The following TBC1D9 variants were observed in gnomAD, a reference collection of about 807,000 sequenced individuals.
The protein encoded by TBC1D9 is TBC1 domain family member 9A.
In TBC1D9, 63 loss-of-function variants were observed where a neutral mutation model predicts 132.0. That is an observed-to-expected ratio of 0.48 (90% confidence interval 0.39 to 0.59). The LOEUF (loss-of-function observed/expected upper bound fraction) is 0.59, where lower values mean the gene tolerates loss of function less well. Ranked by LOEUF, TBC1D9 falls within the 20% of genes least tolerant of loss-of-function variation. The probability of loss-of-function intolerance (pLI) is 0.00; values close to 1 mark genes in which losing one functional copy is unlikely to be tolerated. For synonymous variants in TBC1D9, 610 were observed against 609.9 expected (o/e 1.00, Z 0.00); for missense variants, 1,261 against 1,592.7 (o/e 0.79, Z 3.54).
chr4:140,662,550 CA>C (rs771450199), intron 9 of TBC1D9, among the ~76,000 whole-genome samples: 66 of 152,290 alleles, frequency 4.3e-4, no homozygotes, highest in Admixed American at 1.2e-3. Context: ...TTCTGTCTCT[CA>C]AAATAAGTCT....
chr4:140,722,748 T>C (rs957761336), intron 1 of TBC1D9, among the ~76,000 whole-genome samples: 4 of 152,230 alleles, frequency 2.6e-5, no homozygotes, highest in Admixed American at 2.6e-4. Context: ...ATTTCTTTTT[T>C]AAATTTTACT....
chr4:140,714,950 G>A (rs763972966), intron 1 of TBC1D9, among the ~76,000 whole-genome samples: 2 of 152,062 alleles, frequency 1.3e-5, no homozygotes, highest in Non-Finnish European at 2.9e-5. Flanking sequence ...GTGAGATCCT[G>A]TCTCTACAAA....
At chr4:140,625,172 C>T (rs1560864008) in intron 18 of TBC1D9, among the ~76,000 whole-genome samples, 1 of 152,264 alleles carries the variant, frequency 6.6e-6, no homozygotes, top group East Asian at 1.9e-4. Context: ...TTTAACTTTG[C>T]ATATATGAGA....
At chr4:140,685,530 C>T (rs10014443) in intron 3 of TBC1D9, among the ~76,000 whole-genome samples, 18 of 151,968 alleles carry the variant, frequency 1.2e-4, no homozygotes, top group Non-Finnish European at 2.5e-4. Context: ...AAATGTTCCA[C>T]GCTGAAGGAG....
chr4:140,705,832 T>A lies in TBC1D9; in HGVS notation c.131-4218A>T, dbSNP rs559991387. 1.1e-3 allele frequency among the ~76,000 whole-genome samples: 169 copies of A among 152,360 alleles called. 8 individuals are homozygous for A. The South Asian group carries it at 0.035, about 32-fold the overall frequency. On this transcript the variant is annotated intron_variant, in intron 1 of 20. Coordinates refer to ENST00000442267, the MANE Select transcript of TBC1D9 (RefSeq NM_015130.3). ...TGTTTTAGCAGCTGTTCTAGTCAGCTATTTCTGGTGTTAAACAATCTTGAT... is the reference window on the plus strand; with the variant it reads ...TGTTTTAGCAGCTGTTCTAGTCAGCAATTTCTGGTGTTAAACAATCTTGAT...
intron 2 of TBC1D9, among the ~76,000 whole-genome samples, chr4:140,699,676 C>T (rs375334680): frequency 7.9e-5 from 12 of 152,054 alleles, no homozygotes; most frequent in Admixed American, 2.6e-4. Context: ...AGGAGCCTAA[C>T]GGGATATGAC....
rs771494529 is a variant in TBC1D9 at position 140,622,468 on chromosome 4, G to A, written c.3528C>T (p.Asp1176=). Residue 1176 remains aspartate (D), a synonymous_variant, in exon 21 of 21, where the codon GAC becomes GAT. Coordinates refer to ENST00000442267, the MANE Select transcript of TBC1D9 (RefSeq NM_015130.3). ...SVLSAGSHEE[D]KLHCEDIGED... ...CTCCGATGTCCTCGCAGTGCAGCTT[G>A]TCCTCCTCGTGGGAGCCGGCACTCA... 13 of 1,613,918 alleles carry A rather than the reference G, an allele frequency of 8.1e-6. No individual in the cohort carries two copies. Among genetic ancestry groups the A allele is most frequent in the Non-Finnish European group, 1.0e-5 (12 of 1,179,900 alleles).
At chr4:140,747,089 T>C (rs182624238) in intron 1 of TBC1D9, among the ~76,000 whole-genome samples, 2 of 152,232 alleles carry the variant, frequency 1.3e-5, no homozygotes, top group Admixed American at 6.5e-5. Flanking sequence ...GGCTCATGCC[T>C]GTAATCCCAG....
chr4:140,689,137 C>G (rs1478265722), intron 2 of TBC1D9, among the ~76,000 whole-genome samples: 1 of 152,142 alleles, frequency 6.6e-6, no homozygotes, highest in African/African-American at 2.4e-5. Context: ...TCTGTTTTGC[C>G]TCTCATCTGT....
At chr4:140,645,967 G>A (rs542364521) in intron 13 of TBC1D9, among the ~76,000 whole-genome samples, 1 of 152,282 alleles carries the variant, frequency 6.6e-6, no homozygotes, top group Non-Finnish European at 1.5e-5. Context: ...ACTGTGCCAT[G>A]TTCCTTCTTA....
rs971630877 is a variant in TBC1D9 at position 140,709,260 on chromosome 4, A to T, written c.131-7646T>A. Among the ~76,000 whole-genome samples, 143 of 134,832 alleles carry T rather than the reference A, an allele frequency of 1.1e-3. 1 individual carries two copies. The highest frequency in any genetic ancestry group is 1.2e-3 in the East Asian group (6 of 5,008). The allele number at this position is 134,832 out of a possible 152,430, so 88.5% of individuals were successfully genotyped here. Reference sequence around the variant, plus strand: ...CTCTCTCTCTCTCTCACACACACACACACACACACACACACACACACACAC... The same window carrying T: ...CTCTCTCTCTCTCTCACACACACACTCACACACACACACACACACACACAC... On this transcript the variant is annotated intron_variant, in intron 1 of 20. Transcript: ENST00000442267.
chr4:140,676,005 C>G (rs975152441), intron 6 of TBC1D9, among the ~76,000 whole-genome samples: 2 of 152,216 alleles, frequency 1.3e-5, no homozygotes, highest in Non-Finnish European at 2.9e-5. Flanking sequence ...CTGGAGCCCA[C>G]ACCTCAACCA....
intron 1 of TBC1D9, among the ~76,000 whole-genome samples, chr4:140,728,945 T>C (rs894535560): frequency 1.3e-5 from 2 of 152,156 alleles, no homozygotes; most frequent in African/African-American, 2.4e-5. Context: ...ATTACAGGCA[T>C]GAGCCACTGG....
chr4:140,734,608 A>G (rs1560899953), intron 1 of TBC1D9, among the ~76,000 whole-genome samples: 2 of 152,168 alleles, frequency 1.3e-5, no homozygotes, highest in African/African-American at 4.8e-5. Context: ...TCTGGGCAAC[A>G]TAGTGAGACC....
chr4:140,662,098 T>G lies in TBC1D9; in HGVS notation c.1598A>C (p.Asn533Thr). ...GTACCCAGGATGTGTGGCCTTCTCA[T>G]TGATGGCACCTGAGATATATCCAAC... is the stretch of plus-strand genomic sequence containing the variant. ...ELWLLLSGAI[N>T]EKATHPGYYE... Residue 533 changes from asparagine (N) to threonine (T), a missense_variant, in exon 10 of 21, where the codon AAT becomes ACT. This residue lies in a region of TBC1D9 where 550 missense variants were observed against 699.0 expected (regional missense o/e 0.79). Transcript: ENST00000442267. 1 of 1,613,396 alleles carries G rather than the reference T, an allele frequency of 6.2e-7. No individual in the cohort carries two copies. The highest frequency in any genetic ancestry group is 8.5e-7 in the Non-Finnish European group (1 of 1,179,358).
At chr4:140,647,863 T>C (rs1737125922) in intron 13 of TBC1D9, among the ~76,000 whole-genome samples, 1 of 152,020 alleles carries the variant, frequency 6.6e-6, no homozygotes, top group Non-Finnish European at 1.5e-5. Context: ...TCTGGAGGAT[T>C]TGTAAAGGAA....
chr4:140,695,054 C>T (rs1449203343), intron 2 of TBC1D9, among the ~76,000 whole-genome samples: 1 of 152,220 alleles, frequency 6.6e-6, no homozygotes, highest in Non-Finnish European at 1.5e-5. Flanking sequence ...AATTACCCAA[C>T]ATTTTCTTTA....
Position 140,622,500 on chromosome 4 carries a change from A to G in TBC1D9, c.3496T>C (p.Ser1166Pro). The G allele has an allele frequency of 6.2e-7, 1 of 1,613,882 alleles. No homozygotes were observed. Among genetic ancestry groups the G allele is most frequent in the East Asian group, 2.2e-5 (1 of 44,900 alleles). Residue 1166 changes from serine (S) to proline (P), a missense_variant, in exon 21 of 21, where the codon TCG becomes CCG. Ser to Pro is a moderately conservative substitution (Grantham distance 74). Around this residue, in one of 3 missense-constraint regions of TBC1D9, gnomAD observed 618 missense variants for 724.4 expected, o/e 0.85. Transcript: ENST00000442267. ...TKDDSSMSSY[S>P]VLSAGSHEED... is the part of the protein sequence containing the mutation. ...TCGTGGGAGCCGGCACTCAGCACCG[A>G]GTATGAGGACATGGAGCTGTCGTCC...
intron 13 of TBC1D9, among the ~76,000 whole-genome samples, chr4:140,641,114 A>AAAAAAAAAAAAAAAAAAAAAT (rs58361745): frequency 6.8e-6 from 1 of 146,388 alleles, no homozygotes; most frequent in African/African-American, 2.5e-5. Flanking sequence ...ACAAAAAAAA[A>AAAAAAAAAAAAAAAAAAAAAT]CAGAAGCAAA....
Sources: allele counts gnomAD v4.1 joint callset (sites outside exome capture counted in the v4.1 genomes callset), GRCh38; gene constraint gnomAD v4.1.1; regional missense constraint gnomAD v4.1.1; transcripts MANE v1.5; gene names NCBI Gene and HGNC (gene_info 2026-07-23, HGNC 2026-07-21).